Variants in ATP8A2 observed in about 807,000 individuals in gnomAD.
The protein encoded by ATP8A2 is ATPase phospholipid transporting 8A2.
A neutral mutation model predicts 165.6 loss-of-function variants in ATP8A2; 100 were observed. That is an observed-to-expected ratio of 0.60 (90% CI 0.51 to 0.71). ATP8A2 has a LOEUF of 0.71. Ranked by LOEUF, ATP8A2 falls within the 30% of genes least tolerant of loss-of-function variation. ATP8A2 has a pLI of 0.00. For synonymous variants in ATP8A2, 543 were observed against 548.8 expected (o/e 0.99, Z 0.15); for missense variants, 1,227 against 1,479.5 (o/e 0.83, Z 2.80).
At chr13:25,628,808 A>T (rs1475552966) in intron 24 of ATP8A2, among the ~76,000 whole-genome samples, 1 of 152,144 alleles carries the variant, frequency 6.6e-6, no homozygotes, top group East Asian at 1.9e-4. Context: ...TCTTAACTTG[A>T]TTACCTGTGC....
rs577880155 is a variant in ATP8A2 at position 25,905,756 on chromosome 13, G to T, written c.3183+43348G>T. On this transcript the variant is annotated intron_variant, in intron 33 of 36. Transcript: ENST00000381655. ...CTTCTGATTCCCAGAAGGACAGGGCGTTGGTTCCTGTGATTTTCCACTCTC... is the reference window on the plus strand; with the variant it reads ...CTTCTGATTCCCAGAAGGACAGGGCTTTGGTTCCTGTGATTTTCCACTCTC... Among the ~76,000 whole-genome samples the T allele has an allele frequency of 2.6e-5, 4 of 151,918 alleles. No homozygotes were observed. The South Asian group carries it at 8.3e-4, about 32-fold the overall frequency.
chr13:25,726,833 T>C (rs2043504882), intron 25 of ATP8A2, among the ~76,000 whole-genome samples: 1 of 152,206 alleles, frequency 6.6e-6, no homozygotes. Flanking sequence ...GGAGTCCTTT[T>C]CATAGCAAGA....
intron 13 of ATP8A2, 49 bp from the exon 14 acceptor site, chr13:25,558,924 T>G (rs1566266690): frequency 7.7e-7 from 1 of 1,291,140 alleles, no homozygotes; most frequent in Non-Finnish European, 1.1e-6. Flanking sequence ...TTGTTGATCT[T>G]TGCATCTCAA....
chr13:25,841,753 T>C (rs185957537), intron 30 of ATP8A2, among the ~76,000 whole-genome samples: 57 of 152,334 alleles, frequency 3.7e-4, no homozygotes, highest in African/African-American at 1.3e-3. Context: ...TTTGTCTTAG[T>C]CCATTTTGTG....
chr13:25,781,710 T>G (rs978595132), intron 27 of ATP8A2, among the ~76,000 whole-genome samples: 3 of 152,182 alleles, frequency 2.0e-5, no homozygotes, highest in African/African-American at 7.2e-5. Context: ...CAGGCTGGTC[T>G]CAAACTCCTG....
chr13:25,984,415 C>T (rs2139267067), intron 35 of ATP8A2, among the ~76,000 whole-genome samples: 1 of 151,702 alleles, frequency 6.6e-6, no homozygotes, highest in Admixed American at 6.6e-5. Context: ...ACCAGCCTGG[C>T]CAACGTGGTG....
chr13:25,876,532 C>T (rs778692293), intron 33 of ATP8A2, among the ~76,000 whole-genome samples: 14 of 152,000 alleles, frequency 9.2e-5, no homozygotes, highest in South Asian at 2.1e-4. Context: ...AAAATTTCAC[C>T]GCAGGAAATT....
chr13:25,939,422 A>G (rs542051614), intron 33 of ATP8A2, among the ~76,000 whole-genome samples: 7 of 152,352 alleles, frequency 4.6e-5, no homozygotes, highest in Admixed American at 4.6e-4. Flanking sequence ...GCACAGGACC[A>G]GGACGGAGGA....
intron 33 of ATP8A2, among the ~76,000 whole-genome samples, chr13:25,900,429 G>T (rs1042659285): frequency 6.6e-6 from 1 of 152,172 alleles, no homozygotes. Context: ...TGTTTACGAA[G>T]GGATGTGTTG....
chr13:25,407,064 G>A (rs1205375358), intron 1 of ATP8A2, among the ~76,000 whole-genome samples: 1 of 152,222 alleles, frequency 6.6e-6, no homozygotes, highest in Non-Finnish European at 1.5e-5. Context: ...CCACGGTTGG[G>A]TTGAATTAAG....
At chr13:25,545,568 G>C (rs2038622775) in intron 10 of ATP8A2, among the ~76,000 whole-genome samples, 1 of 152,138 alleles carries the variant, frequency 6.6e-6, no homozygotes, top group Non-Finnish European at 1.5e-5. Flanking sequence ...CCATAGTGCA[G>C]TGTCAGTAAC....
At chr13:25,499,968 G>A (rs1201407540) in intron 2 of ATP8A2, among the ~76,000 whole-genome samples, 1 of 152,114 alleles carries the variant, frequency 6.6e-6, no homozygotes, top group African/African-American at 2.4e-5. Flanking sequence ...CAAGGGCAGA[G>A]GACAGCTATG....
At chr13:25,830,474 G>C (rs771441399) in intron 28 of ATP8A2, among the ~76,000 whole-genome samples, 4 of 152,196 alleles carry the variant, frequency 2.6e-5, no homozygotes, top group Non-Finnish European at 4.4e-5. Flanking sequence ...TGGGCTGCCA[G>C]TGAGTGCTGG....
At chr13:25,898,782 C>T (rs1292865746) in intron 33 of ATP8A2, among the ~76,000 whole-genome samples, 2 of 152,236 alleles carry the variant, frequency 1.3e-5, no homozygotes, top group East Asian at 1.9e-4. Context: ...TCTCAGACTA[C>T]TGTACTAGCA....
intron 2 of ATP8A2, among the ~76,000 whole-genome samples, chr13:25,482,454 G>T (rs2036233540): frequency 6.6e-6 from 1 of 152,130 alleles, no homozygotes; most frequent in Non-Finnish European, 1.5e-5. Context: ...CCTGAAAGAT[G>T]AGTACGAGTC....
chr13:25,390,780 CTT>C (rs1171018546), intron 1 of ATP8A2, among the ~76,000 whole-genome samples: 26 of 151,968 alleles, frequency 1.7e-4, no homozygotes, highest in African/African-American at 6.3e-4. Flanking sequence ...AAATACAAAA[CTT>C]AGCTGGGTGT....
intron 35 of ATP8A2, among the ~76,000 whole-genome samples, chr13:25,968,885 G>A (rs1261280360): frequency 1.3e-5 from 2 of 152,016 alleles, no homozygotes; most frequent in Non-Finnish European, 2.9e-5. Context: ...GGTAAGACTG[G>A]GGGTTTTATT....
At chr13:25,707,984 G>C (rs1483532685) in intron 25 of ATP8A2, among the ~76,000 whole-genome samples, 1 of 152,210 alleles carries the variant, frequency 6.6e-6, no homozygotes, top group Non-Finnish European at 1.5e-5. Flanking sequence ...GGGGACCCTT[G>C]TGAGACACCA....
At chr13:25,984,597 CAAA>C (rs11314872) in intron 35 of ATP8A2, among the ~76,000 whole-genome samples, 2 of 136,182 alleles carry the variant, frequency 1.5e-5, no homozygotes, top group African/African-American at 2.7e-5. Context: ...GACTTTGTCT[CAAA>C]AAAAAAAAAA....
Sources: allele counts gnomAD v4.1 joint callset (sites outside exome capture counted in the v4.1 genomes callset), GRCh38; gene constraint gnomAD v4.1.1; transcripts MANE v1.5; gene names NCBI Gene and HGNC (gene_info 2026-07-23, HGNC 2026-07-21).